The following CARS2 variants were observed in gnomAD, a reference collection of about 807,000 sequenced individuals.
CARS2 encodes the protein cysteinyl-tRNA synthetase 2, mitochondrial, also known as probable cysteine--tRNA ligase, mitochondrial.
CARS2 carries 52 observed loss-of-function variants against 68.8 expected under a neutral mutation model. That is an observed-to-expected ratio of 0.76 (90% CI 0.61 to 0.95). CARS2 has a LOEUF of 0.95. Among genes scored for constraint, CARS2 ranks in the 40% least tolerant of loss-of-function variants. The probability of loss-of-function intolerance (pLI) is 0.00; values close to 1 mark genes in which losing one functional copy is unlikely to be tolerated. For synonymous variants in CARS2, 314 were observed against 303.6 expected (o/e 1.03, Z -0.36); for missense variants, 780 against 754.2 (o/e 1.03, Z -0.40).
chr13:110,646,698 G>C (rs560490797), intron 11 of CARS2: 7 of 180,284 alleles, frequency 3.9e-5, no homozygotes, highest in African/African-American at 9.4e-5. Context: ...TCCGCTCCTC[G>C]CACAGGGAAC....
chr13:110,691,965 T>A (rs1409502401), intron 3 of CARS2, among the ~76,000 whole-genome samples: 3 of 121,232 alleles, frequency 2.5e-5, no homozygotes, highest in Non-Finnish European at 4.8e-5. Context: ...TGTAGGTCAA[T>A]CCTACCACAT....
rs1404882543 is a variant in CARS2 at position 110,665,048 on chromosome 13, A to G, written c.920-1530T>C. ...CACTGGGTACAGGAGAACAGGTGTC[A>G]CTTCTCCTGCGTCAGGAGACACTGA... On this transcript the variant is annotated intron_variant, in intron 8 of 14. Coordinates refer to ENST00000257347, the MANE Select transcript of CARS2 (RefSeq NM_024537.4). The surrounding 1 kb of genome is among the most constrained non-coding windows in gnomAD (Gnocchi z 4.3). 1 of 985,338 alleles carries G rather than the reference A, an allele frequency of 1.0e-6. No homozygotes were observed. Among genetic ancestry groups the G allele is most frequent in the East Asian group, 1.1e-4 (1 of 8,828 alleles). The allele number at this position is 985,338 out of a possible 1,614,324, so 61.0% of individuals were successfully genotyped here. A position where few individuals can be genotyped will look rare whatever the true frequency, so the allele number is the denominator to read the frequency against.
chr13:110,708,574 CTT>C (rs572046218), upstream of CARS2, among the ~76,000 whole-genome samples: 3 of 145,484 alleles, frequency 2.1e-5, no homozygotes. Flanking sequence ...ATTATGTTTT[CTT>C]TTTTTTTTTT....
intron 3 of CARS2, among the ~76,000 whole-genome samples, chr13:110,696,941 C>T (rs974882643): frequency 1.8e-4 from 27 of 152,190 alleles, no homozygotes; most frequent in African/African-American, 5.8e-4. Context: ...TGACACCCTC[C>T]AAGTACACTG....
At chr13:110,654,876 A>T (rs1283622506) in intron 9 of CARS2, among the ~76,000 whole-genome samples, 1 of 145,458 alleles carries the variant, frequency 6.9e-6, no homozygotes, top group East Asian at 2.0e-4. Context: ...GGACTGCACC[A>T]GGTGCCACTG....
intron 6 of CARS2, among the ~76,000 whole-genome samples, chr13:110,682,121 G>A (rs916786339): frequency 9.2e-5 from 14 of 152,088 alleles, no homozygotes; most frequent in East Asian, 1.9e-4. Flanking sequence ...TGTGGGGGGC[G>A]GTGTGGAGGG....
chr13:110,663,211 G>C (rs1015661078), intron 9 of CARS2, among the ~76,000 whole-genome samples: 3 of 152,156 alleles, frequency 2.0e-5, no homozygotes, highest in African/African-American at 4.8e-5. Context: ...AACACGGAAA[G>C]AGAAAGGGAA....
At chr13:110,662,816 G>T in intron 9 of CARS2, 1 of 326,472 alleles carries the variant, frequency 3.1e-6, no homozygotes, top group East Asian at 8.1e-5. Context: ...GCTTTCACTG[G>T]TTTGCTATTT....
intron 3 of CARS2, among the ~76,000 whole-genome samples, chr13:110,700,142 G>A (rs1375258754): frequency 2.0e-5 from 3 of 152,148 alleles, no homozygotes; most frequent in Admixed American, 6.6e-5. Flanking sequence ...TGCAAGATGG[G>A]GACACATCCA....
intron 3 of CARS2, among the ~76,000 whole-genome samples, chr13:110,695,040 T>C (rs769856765): frequency 1.7e-4 from 26 of 152,112 alleles, no homozygotes; most frequent in Non-Finnish European, 2.5e-4. Flanking sequence ...CCCAGCACTT[T>C]GCGAGGCCAA....
At chr13:110,698,512 TTC>T (rs1477654440) in intron 3 of CARS2, among the ~76,000 whole-genome samples, 2 of 150,268 alleles carry the variant, frequency 1.3e-5, no homozygotes, top group Non-Finnish European at 3.0e-5. Flanking sequence ...AAGAGTGAAA[TTC>T]TGTCTCAAAA....
intron 7 of CARS2, among the ~76,000 whole-genome samples, chr13:110,672,413 A>C (rs1010880636): frequency 2.2e-4 from 33 of 152,302 alleles, no homozygotes; most frequent in African/African-American, 7.7e-4. Flanking sequence ...TAAGAAACTC[A>C]CTCAAAACCT....
intron 6 of CARS2, among the ~76,000 whole-genome samples, chr13:110,680,897 G>C (rs1281851070): frequency 6.6e-6 from 1 of 152,270 alleles, no homozygotes; most frequent in African/African-American, 2.4e-5. Flanking sequence ...TAGGGCAGTA[G>C]TTGCCCCCAG....
At chr13:110,685,207 G>A (rs1018533555) in intron 5 of CARS2, among the ~76,000 whole-genome samples, 6 of 152,242 alleles carry the variant, frequency 3.9e-5, no homozygotes, top group Admixed American at 3.9e-4. Context: ...TTTCCTGGGA[G>A]GCTGAGGCAG....
intron 2 of CARS2, 127 bp from the exon 3 acceptor site, chr13:110,701,682 G>C (rs1001790215): frequency 6.6e-6 from 4 of 609,260 alleles, no homozygotes; most frequent in Non-Finnish European, 1.2e-5. Context: ...ACAGGTCAGC[G>C]GAGCAGGTAC....
At chr13:110,644,204 A>G in intron 13 of CARS2, 181 bp downstream of exon 13, 1 of 1,451,054 alleles carries the variant, frequency 6.9e-7, no homozygotes, top group Non-Finnish European at 9.3e-7. Context: ...GAATTGTGCA[A>G]TTCCAATTAA....
intron 10 of CARS2, 198 bp downstream of exon 10, chr13:110,650,836 C>T: frequency 1.9e-6 from 1 of 525,240 alleles, no homozygotes; most frequent in Non-Finnish European, 3.3e-6. Context: ...AGCCCACATC[C>T]ACTGTGGGCC....
chr13:110,698,462 G>A (rs898382650), intron 3 of CARS2, among the ~76,000 whole-genome samples: 1 of 151,894 alleles, frequency 6.6e-6, no homozygotes, highest in African/African-American at 2.4e-5. Context: ...GGAGGTTGCA[G>A]TGAGCGGAGA....
In CARS2 at chr13:110,705,508, C is replaced by A. The variant is rs931149107; in HGVS notation, c.275+13G>T. On this transcript the variant is annotated intron_variant, in intron 2 of 14. Coordinates refer to ENST00000257347, the MANE Select transcript of CARS2 (RefSeq NM_024537.4). The surrounding 1 kb of genome is among the most constrained non-coding windows in gnomAD (Gnocchi z 4.0). ...TCCTTTGAAGTATGAAAATTCAAAT[C>A]CAGGAAACTCACCAAGCATGGCCAA... 1.3e-6 allele frequency: 2 copies of A among 1,574,972 alleles called. No individual in the cohort carries two copies. Among genetic ancestry groups the A allele is most frequent in the Non-Finnish European group, 1.7e-6 (2 of 1,159,822 alleles).
Sources: gnomAD v4.1 joint callset for allele counts (sites outside exome capture counted in the v4.1 genomes callset) on GRCh38, gnomAD v4.1.1 for gene constraint, Gnocchi (gnomAD v3.1) non-coding constraint, MANE v1.5 for transcripts, NCBI Gene and HGNC (gene_info 2026-07-23, HGNC 2026-07-21) for gene names.